DAB2IP: variants seen among roughly 807,000 people sequenced by gnomAD.
DAB2IP encodes the protein disabled homolog 2-interacting protein.
DAB2IP carries 28 observed loss-of-function variants against 107.2 expected under a neutral mutation model. The observed-to-expected ratio is 0.26, with a 90% CI of 0.19 to 0.36. The LOEUF (loss-of-function observed/expected upper bound fraction) is 0.36. Ranked by LOEUF, DAB2IP falls within the 10% of genes least tolerant of loss-of-function variation. The pLI, the probability that DAB2IP is intolerant of heterozygous loss-of-function variation, is 1.00. For missense variants in DAB2IP, 1,400 were observed against 1,644.7 expected, an observed-to-expected ratio of 0.85 and a Z score of 2.57; for synonymous variants, 755 against 706.4, an observed-to-expected ratio of 1.07 and a Z score of -1.09.
chr9:121,651,678 G>T lies in DAB2IP; in HGVS notation c.-98G>T. 1.8e-6 allele frequency: 2 copies of T among 1,109,788 alleles called. No homozygotes were observed. Among genetic ancestry groups the T allele is most frequent in the Non-Finnish European group, 2.2e-6 (2 of 911,152 alleles). The allele number at this position is 1,109,788 out of a possible 1,614,324, so 68.7% of individuals were successfully genotyped here. On this transcript the variant is annotated 5_prime_UTR_variant, in exon 1 of 16. Transcript: ENST00000408936. This position sits in a 1 kb window ranked among gnomAD's most constrained non-coding sequence, Gnocchi z 5.1. ...GGCCTCGGCGGCCGCTCGGGCGAGC[G>T]CGGGAGAACGCGTGGGCGCCCGCCG... is the stretch of plus-strand genomic sequence containing the variant.
rs548626974 is a variant in DAB2IP, at chr9:121,659,547, C to T, written c.124+7648C>T. Reference sequence around the variant, plus strand: ...AGTTAGGGCTGATCTAGAAAGAAAACGTTTGGGAGGCCGAGGTGGGCGGAT... The same window carrying T: ...AGTTAGGGCTGATCTAGAAAGAAAATGTTTGGGAGGCCGAGGTGGGCGGAT... On this transcript the variant is annotated intron_variant, in intron 1 of 15. Transcript: ENST00000408936. 4.9e-3 allele frequency among the ~76,000 whole-genome samples: 741 copies of T among 152,194 alleles called. 7 individuals carry two copies. The highest frequency in any genetic ancestry group is 0.016 in the African/African-American group (676 of 41,536).
intron 1 of DAB2IP, among the ~76,000 whole-genome samples, chr9:121,669,833 T>C (rs146400085): frequency 1.3e-5 from 2 of 152,320 alleles, no homozygotes; most frequent in African/African-American, 4.8e-5. Flanking sequence ...TTGTGTCTTT[T>C]GCGATTATGT....
In DAB2IP at chr9:121,772,911, G is replaced by A; in HGVS notation, c.2383G>A (p.Ala795Thr). Reference sequence around the variant, plus strand: ...GGCCCGGGCAACCCCAGTGAACCTGGCAGGGCTGGCCACGGTGCGGCGGGC... The same window carrying A: ...GGCCCGGGCAACCCCAGTGAACCTGACAGGGCTGGCCACGGTGCGGCGGGC... The change falls in exon 12 of 16, where the codon GCA becomes ACA. Residue 795 changes from alanine (A) to threonine (T), a missense_variant. By Grantham distance (58) the Ala-to-Thr change is moderately conservative. Around this residue, in one of 3 missense-constraint regions of DAB2IP, gnomAD observed 600 missense variants for 659.1 expected, o/e 0.91. Coordinates refer to ENST00000408936, the Ensembl canonical transcript of DAB2IP. This position sits in a 1 kb window ranked among gnomAD's most constrained non-coding sequence, Gnocchi z 4.7. The A allele has an allele frequency of 1.3e-6, 2 of 1,568,754 alleles. No individual in the cohort carries two copies. The highest frequency in any genetic ancestry group is 1.7e-6 in the Non-Finnish European group (2 of 1,161,414).
intron 1 of DAB2IP, among the ~76,000 whole-genome samples, chr9:121,617,323 C>T (rs1831313315): frequency 6.6e-6 from 1 of 152,124 alleles, no homozygotes; most frequent in Non-Finnish European, 1.5e-5. Context: ...GACTCTGTCT[C>T]AAAAACAAAA....
At chr9:121,640,411 A>G (rs1175233762) in intron 1 of DAB2IP, among the ~76,000 whole-genome samples, 1 of 152,164 alleles carries the variant, frequency 6.6e-6, no homozygotes, top group East Asian at 1.9e-4. Flanking sequence ...GAAATGCGAC[A>G]TCAGAGAAAG....
intron 1 of DAB2IP, among the ~76,000 whole-genome samples, chr9:121,570,382 G>A (rs1310062190): frequency 1.3e-5 from 2 of 151,888 alleles, no homozygotes; most frequent in African/African-American, 2.4e-5. Flanking sequence ...CCAAAGTGCT[G>A]TGATCCTTTT....
At chr9:121,709,213 C>G (rs1830208753) in intron 3 of DAB2IP, among the ~76,000 whole-genome samples, 1 of 152,180 alleles carries the variant, frequency 6.6e-6, no homozygotes, top group African/African-American at 2.4e-5. Context: ...ACAGGGCTGG[C>G]CCAGTCTTTC....
intron 3 of DAB2IP, among the ~76,000 whole-genome samples, chr9:121,710,936 G>A (rs1314767187): frequency 2.6e-5 from 4 of 152,242 alleles, no homozygotes; most frequent in African/African-American, 7.2e-5. Context: ...AGGGCCAGAT[G>A]TTCTGCCCGG....
intron 8 of DAB2IP, among the ~76,000 whole-genome samples, chr9:121,765,414 C>A (rs1482624365): frequency 6.6e-6 from 1 of 152,260 alleles, no homozygotes; most frequent in African/African-American, 2.4e-5. Context: ...CACCTTCATT[C>A]CCCGCTAGGT....
In DAB2IP at chr9:121,667,952, T is replaced by C. The variant is rs181173726; in HGVS notation, c.125-10726T>C. ...AATCATGGCGGGAGGTGAAAGGCAC[T>C]TCTTACATGGTGGTGGAAAGAGAAA... On this transcript the variant is annotated intron_variant, in intron 1 of 15. Coordinates refer to ENST00000408936, the Ensembl canonical transcript of DAB2IP. Among the ~76,000 whole-genome samples the C allele has an allele frequency of 1.6e-4, 24 of 152,252 alleles. No homozygotes were observed. The East Asian group carries it at 4.6e-3, about 29-fold the overall frequency.
Position 121,679,413 on chromosome 9 carries a change from T to TACACAC in DAB2IP, c.228+667_228+672dup, listed in dbSNP as rs3138857. ...TCATACCCTTCTGCATTTGTGCATG[T>TACACAC]ACACACACACACACACACACACACA... On this transcript the variant is annotated intron_variant, in intron 2 of 15. Transcript: ENST00000408936. Among the ~76,000 whole-genome samples the TACACAC allele has an allele frequency of 8.1e-3, 1,094 of 135,612 alleles. 12 individuals are homozygous for TACACAC. Among genetic ancestry groups the TACACAC allele is most frequent in the South Asian group, 0.019 (75 of 4,040 alleles). 89.0% of individuals were successfully genotyped at this position (135,612 alleles called of 152,430 possible).
At chr9:121,770,451 C>T in intron 10 of DAB2IP, 95 bp from the exon 11 acceptor site, 1 of 1,399,416 alleles carries the variant, frequency 7.1e-7, no homozygotes, top group Non-Finnish European at 9.7e-7. Flanking sequence ...TTCTGACAGG[C>T]TCCGCAGTGG....
intron 1 of DAB2IP, among the ~76,000 whole-genome samples, chr9:121,606,118 G>T (rs996015954): frequency 1.3e-5 from 2 of 152,194 alleles, no homozygotes; most frequent in Non-Finnish European, 2.9e-5. Flanking sequence ...CAAGGCGGGG[G>T]ATCACCTGAG....
chr9:121,761,993 G>A (rs1833928339), intron 6 of DAB2IP, among the ~76,000 whole-genome samples: 1 of 152,184 alleles, frequency 6.6e-6, no homozygotes, highest in South Asian at 2.1e-4. Flanking sequence ...GCTCGTGGAG[G>A]GAGGTGAAGT....
intron 3 of DAB2IP, among the ~76,000 whole-genome samples, chr9:121,725,173 G>A (rs528964173): frequency 9.8e-5 from 15 of 152,326 alleles, no homozygotes; most frequent in African/African-American, 3.4e-4. Context: ...GCGCGCGTGT[G>A]TATGTGTGTG....
At position 121,713,562 on chromosome 9, in the gene DAB2IP, A is replaced by G. The variant is rs551774849; in HGVS notation, c.362+14104A>G. 5.9e-5 allele frequency among the ~76,000 whole-genome samples: 9 copies of G among 152,102 alleles called. No homozygotes were observed. In the East Asian group the frequency reaches 1.7e-3, roughly 30 times the overall value. ...GAGGTGCCCCAGAAACTGGGTATGC[A>G]CTCAACTTTGGCCAGTAGTGGTGGT... On this transcript the variant is annotated intron_variant, in intron 3 of 15. Transcript: ENST00000408936.
chr9:121,774,200 C>T (rs1265035459), intron 12 of DAB2IP, 60 bp from the exon 13 acceptor site: 3 of 1,485,424 alleles, frequency 2.0e-6, no homozygotes, highest in Non-Finnish European at 1.8e-6. Flanking sequence ...TGGGCCACTC[C>T]CGCCCCTCCT....
chr9:121,573,208 C>G (rs1829989760), intron 1 of DAB2IP, among the ~76,000 whole-genome samples: 1 of 152,004 alleles, frequency 6.6e-6, no homozygotes, highest in Admixed American at 6.5e-5. Flanking sequence ...TCCCAAGTAG[C>G]TGGGATTACA....
At chr9:121,668,498 C>G (rs1447426639) in intron 1 of DAB2IP, among the ~76,000 whole-genome samples, 1 of 152,158 alleles carries the variant, frequency 6.6e-6, no homozygotes, top group Non-Finnish European at 1.5e-5. Flanking sequence ...CTCGGCCTCC[C>G]AAAGTGCTGG....
Sources: gnomAD v4.1 joint callset for allele counts (sites outside exome capture counted in the v4.1 genomes callset) on GRCh38, gnomAD v4.1.1 for gene constraint, gnomAD v4.1.1 regional missense constraint, Gnocchi (gnomAD v3.1) non-coding constraint, MANE v1.5 for transcripts, NCBI Gene and HGNC (gene_info 2026-07-23, HGNC 2026-07-21) for gene names.